The following TSPAN7 variants were observed in gnomAD, a reference collection of about 807,000 sequenced individuals.
The protein encoded by TSPAN7 is tetraspanin-7.
A neutral mutation model predicts 17.6 loss-of-function variants in TSPAN7; 1 was observed. The observed-to-expected ratio is 0.06, with a 90% CI of 0.02 to 0.27. TSPAN7 has a LOEUF of 0.27. TSPAN7 is among the 10% of genes least tolerant of loss of function. The pLI is 1.00. For synonymous variants in TSPAN7, 78 were observed against 79.0 expected (o/e 0.99, Z 0.07); for missense variants, 112 against 201.7 (o/e 0.56, Z 2.69).
chrX:38,602,056 A>G (rs945492967), intron 1 of TSPAN7, among the ~76,000 whole-genome samples: 2 of 111,623 alleles, frequency 1.8e-5, no homozygotes, highest in Non-Finnish European at 1.9e-5. Flanking sequence ...GGGCTTAGAT[A>G]TGGGGAAGTG....
chrX:38,628,952 A>G (rs1461289105), intron 1 of TSPAN7, among the ~76,000 whole-genome samples: 1 of 111,869 alleles, frequency 8.9e-6, no homozygotes, highest in Admixed American at 9.5e-5. Flanking sequence ...ATCAAGAACC[A>G]TGTTGTGTAT....
At chrX:38,562,614 T>C (rs1483197310) in intron 1 of TSPAN7, among the ~76,000 whole-genome samples, 1 of 109,446 alleles carries the variant, frequency 9.1e-6, no homozygotes, top group Non-Finnish European at 1.9e-5. Flanking sequence ...GCTTGTGCCT[T>C]ACCTCATCCT....
At chrX:38,621,268 T>C (rs6610165) in intron 1 of TSPAN7, among the ~76,000 whole-genome samples, 15,920 of 111,791 alleles carry the variant, frequency 0.14, 1,048 homozygotes, top group East Asian at 0.27. Context: ...ACAATCCTGT[T>C]TCATTTACCT....
At chrX:38,682,072 G>C (rs1052089827) in intron 6 of TSPAN7, among the ~76,000 whole-genome samples, 1 of 112,537 alleles carries the variant, frequency 8.9e-6, no homozygotes, top group Non-Finnish European at 1.9e-5. Context: ...TAACAAGCAA[G>C]AGCAAACTTT....
chrX:38,595,241 C>T (rs892935827), intron 1 of TSPAN7, among the ~76,000 whole-genome samples: 2 of 111,156 alleles, frequency 1.8e-5, no homozygotes, highest in East Asian at 2.8e-4. Flanking sequence ...TTTCTTTTCT[C>T]CTATGGTTTT....
intron 1 of TSPAN7, among the ~76,000 whole-genome samples, chrX:38,658,044 G>A (rs992781713): frequency 1.2e-4 from 13 of 110,673 alleles, no homozygotes; most frequent in African/African-American, 4.0e-4. Flanking sequence ...TGAAGTCTAT[G>A]AATTGGATCT....
chrX:38,594,155 A>T (rs185352792), intron 1 of TSPAN7, among the ~76,000 whole-genome samples: 5 of 112,009 alleles, frequency 4.5e-5, no homozygotes, highest in Admixed American at 3.8e-4. Flanking sequence ...TACTAACTAG[A>T]GTAGTTCTGG....
chrX:38,687,586 T>A lies in TSPAN7; in HGVS notation c.682-13T>A. 8.3e-7 allele frequency: 1 copy of A among 1,210,326 alleles called. No individual in the cohort carries two copies. The highest frequency in any genetic ancestry group is 1.1e-6 in the Non-Finnish European group (1 of 894,625). On this transcript the variant is annotated splice_polypyrimidine_tract_variant and intron_variant, in intron 6 of 7. Coordinates refer to ENST00000378482, the MANE Select transcript of TSPAN7 (RefSeq NM_004615.4). ...CTTGAGATTCTCATTTTCGTTTTTC[T>A]CCCTGGCAACAGTTAATTGGCATGC... is the stretch of plus-strand genomic sequence containing the variant.
At chrX:38,640,274 AC>A (rs1033736935) in intron 1 of TSPAN7, among the ~76,000 whole-genome samples, 1 of 111,805 alleles carries the variant, frequency 8.9e-6, no homozygotes, top group African/African-American at 3.3e-5. Context: ...GCTGGACTCC[AC>A]ATTTAACATG....
intron 1 of TSPAN7, among the ~76,000 whole-genome samples, chrX:38,578,619 G>A (rs1010650068): frequency 9.1e-6 from 1 of 110,246 alleles, no homozygotes; most frequent in African/African-American, 3.3e-5. Context: ...CACTTTGGGG[G>A]GCTTTTTTCT....
At chrX:38,589,657 CT>C (rs1430131716) in intron 1 of TSPAN7, among the ~76,000 whole-genome samples, 2 of 111,202 alleles carry the variant, frequency 1.8e-5, no homozygotes, top group African/African-American at 6.5e-5. Context: ...TGATATATAC[CT>C]TTTATATTAT....
intron 1 of TSPAN7, among the ~76,000 whole-genome samples, chrX:38,637,087 G>T (rs928363080): frequency 8.9e-6 from 1 of 112,011 alleles, no homozygotes; most frequent in African/African-American, 3.3e-5. Context: ...GAGGCTCATT[G>T]TTACATCCTG....
chrX:38,684,465 C>T (rs2069913597), intron 6 of TSPAN7, among the ~76,000 whole-genome samples: 1 of 111,254 alleles, frequency 9.0e-6, no homozygotes, highest in African/African-American at 3.3e-5. Context: ...CTCTTTCACT[C>T]GAGGGCTTGT....
At chrX:38,633,823 C>A (rs887216522) in intron 1 of TSPAN7, among the ~76,000 whole-genome samples, 5 of 112,177 alleles carry the variant, frequency 4.5e-5, no homozygotes, top group Non-Finnish European at 9.4e-5. Flanking sequence ...TATTTTAATA[C>A]CTATAGATTA....
rs953592692 is a variant in TSPAN7 at position 38,651,936 on chromosome X, G to T, written c.82-14185G>T. ...TTAACCAGCTTCACTGATTCTTAAA[G>T]TCATCCAGGATTTCTGACTCTAAGT... On this transcript the variant is annotated intron_variant, in intron 1 of 7. Coordinates refer to ENST00000378482, the MANE Select transcript of TSPAN7 (RefSeq NM_004615.4). 3.8e-4 allele frequency among the ~76,000 whole-genome samples: 42 copies of T among 111,902 alleles called. No individual in the cohort carries two copies. In the Admixed American group the frequency reaches 3.9e-3, roughly 10 times the overall value.
At chrX:38,682,284 G>A (rs910604563) in intron 6 of TSPAN7, among the ~76,000 whole-genome samples, 1 of 111,709 alleles carries the variant, frequency 9.0e-6, no homozygotes, top group Non-Finnish European at 1.9e-5. Context: ...TTTTTCCCTA[G>A]CCATCTGTAT....
intron 1 of TSPAN7, among the ~76,000 whole-genome samples, chrX:38,659,231 G>T (rs777641936): frequency 9.0e-6 from 1 of 111,348 alleles, no homozygotes; most frequent in Non-Finnish European, 1.9e-5. Flanking sequence ...AACTACAAAC[G>T]CATGTCCTGC....
At chrX:38,641,488 C>T (rs1222321206) in intron 1 of TSPAN7, among the ~76,000 whole-genome samples, 2 of 111,767 alleles carry the variant, frequency 1.8e-5, no homozygotes, top group Admixed American at 9.5e-5. Flanking sequence ...TACCCGATAG[C>T]GGAGTTCTCT....
intron 5 of TSPAN7, among the ~76,000 whole-genome samples, chrX:38,676,682 TG>T (rs745382522): frequency 1.3e-4 from 15 of 112,319 alleles, no homozygotes; most frequent in African/African-American, 4.8e-4. Flanking sequence ...GGTAAAATTC[TG>T]TTCATATGAT....
Sources: allele counts gnomAD v4.1 joint callset (sites outside exome capture counted in the v4.1 genomes callset), GRCh38; gene constraint gnomAD v4.1.1; transcripts MANE v1.5; gene names NCBI Gene and HGNC (gene_info 2026-07-23, HGNC 2026-07-21).